LIPC: variants seen among roughly 807,000 people sequenced by gnomAD.
LIPC encodes the protein hepatic triacylglycerol lipase.
Under a neutral mutation model 50.7 loss-of-function variants are expected in LIPC, and 44 were observed. That is an observed-to-expected ratio of 0.87 (90% CI 0.68 to 1.11). The LOEUF is 1.11. LIPC is among the 50% of genes most tolerant of loss of function. The pLI is 0.00. For missense variants in LIPC, 697 were observed against 648.2 expected (o/e 1.08, Z -0.82); for synonymous variants, 271 against 256.4 (o/e 1.06, Z -0.54).
intron 1 of LIPC, among the ~76,000 whole-genome samples, chr15:58,437,359 A>G (rs1188484411): frequency 6.6e-6 from 1 of 152,198 alleles, no homozygotes; most frequent in African/African-American, 2.4e-5. Flanking sequence ...AAACAAGTAT[A>G]AGAAAATTGT....
In LIPC at chr15:58,449,613, G is replaced by A. The variant is rs538723970; in HGVS notation, c.88+17493G>A. ...TGTCAACCACGCTGTGCAGTAGCACGATCCTGGCTTACTGCAAACTCCGCC... is the reference window on the plus strand; with the variant it reads ...TGTCAACCACGCTGTGCAGTAGCACAATCCTGGCTTACTGCAAACTCCGCC... On this transcript the variant is annotated intron_variant, in intron 1 of 8. Coordinates refer to ENST00000299022, the MANE Select transcript of LIPC (RefSeq NM_000236.3). Among the ~76,000 whole-genome samples, 42 of 151,390 alleles carry A rather than the reference G, an allele frequency of 2.8e-4. No individual in the cohort carries two copies. In the Middle Eastern group the frequency reaches 0.021, roughly 74 times the overall value.
chr15:58,564,557 G>A (rs981208084), intron 8 of LIPC, among the ~76,000 whole-genome samples: 13 of 151,830 alleles, frequency 8.6e-5, no homozygotes, highest in East Asian at 2.0e-4. Context: ...GTGAAATCCC[G>A]TCTCTACAAA....
rs1555399324 is a variant in LIPC at position 58,471,331 on chromosome 15, G to GGGGT, written c.88+39214_88+39215insTGGG. On this transcript the variant is annotated intron_variant, in intron 1 of 8. Transcript: ENST00000299022. ...TTTTTTGTATTTTTAGTAGAGATGG[G>GGGGT]GGGGGGTGGTCTCACCATGTTGGCC... Among the ~76,000 whole-genome samples the GGGGT allele has an allele frequency of 5.0e-5, 7 of 139,002 alleles. 1 individual carries two copies. Among genetic ancestry groups the GGGGT allele is most frequent in the South Asian group, 4.9e-4 (2 of 4,094 alleles). The allele number at this position is 139,002 out of a possible 152,430, so 91.2% of individuals were successfully genotyped here. A position where few individuals can be genotyped will look rare whatever the true frequency, so the allele number is the denominator to read the frequency against.
intron 1 of LIPC, among the ~76,000 whole-genome samples, chr15:58,456,641 G>C (rs1289790350): frequency 2.6e-5 from 4 of 152,212 alleles, no homozygotes; most frequent in African/African-American, 9.7e-5. Context: ...CTGCCCCCAT[G>C]GGCCTAAGTA....
At chr15:58,486,782 G>A (rs1203927199) in intron 1 of LIPC, among the ~76,000 whole-genome samples, 1 of 152,212 alleles carries the variant, frequency 6.6e-6, no homozygotes, top group Admixed American at 6.5e-5. Context: ...TTGCCAGTCA[G>A]AAGCGTGGGG....
chr15:58,448,611 A>C (rs1893786810), intron 1 of LIPC, among the ~76,000 whole-genome samples: 1 of 152,260 alleles, frequency 6.6e-6, no homozygotes, highest in Non-Finnish European at 1.5e-5. Context: ...AGAGGCCGGC[A>C]GGCCTAAGTG....
chr15:58,457,385 C>T (rs1327603724), intron 1 of LIPC, among the ~76,000 whole-genome samples: 3 of 152,242 alleles, frequency 2.0e-5, no homozygotes, highest in Middle Eastern at 3.2e-3. Flanking sequence ...GCTGGGATTA[C>T]AGGCGTGAGC....
At chr15:58,471,206 G>A (rs1021022746) in intron 1 of LIPC, among the ~76,000 whole-genome samples, 5 of 141,880 alleles carry the variant, frequency 3.5e-5, no homozygotes, top group Admixed American at 7.5e-5. Context: ...GTGTCATCTC[G>A]GTTCACTGCA....
chr15:58,523,551 T>G (rs1257748694), intron 1 of LIPC, among the ~76,000 whole-genome samples: 1 of 151,654 alleles, frequency 6.6e-6, no homozygotes, highest in East Asian at 1.9e-4. Context: ...CAGGGGTAGG[T>G]GAACAGCATC....
chr15:58,557,160 T>C (rs534310369), intron 6 of LIPC, among the ~76,000 whole-genome samples: 4 of 152,112 alleles, frequency 2.6e-5, no homozygotes, highest in African/African-American at 9.7e-5. Flanking sequence ...TGGAGTCAGG[T>C]TGTGTGAGCC....
intron 1 of LIPC, among the ~76,000 whole-genome samples, chr15:58,529,932 C>T (rs2140889241): frequency 6.6e-6 from 1 of 152,318 alleles, no homozygotes; most frequent in Non-Finnish European, 1.5e-5. Context: ...AGCTATTTTC[C>T]AACACATCGT....
chr15:58,487,791 C>CAGCAG (rs1330778320), intron 1 of LIPC, among the ~76,000 whole-genome samples: 3 of 152,320 alleles, frequency 2.0e-5, no homozygotes, highest in African/African-American at 7.2e-5. Flanking sequence ...TAAGGAAATT[C>CAGCAG]AGCAGAGGTA....
intron 6 of LIPC, among the ~76,000 whole-genome samples, chr15:58,554,758 G>A (rs146265372): frequency 7.0e-4 from 106 of 152,234 alleles, no homozygotes; most frequent in Non-Finnish European, 1.4e-3. Context: ...AGAAGAAGGA[G>A]GAGGAGGAGG....
At chr15:58,519,351 C>T (rs1473579850) in intron 1 of LIPC, among the ~76,000 whole-genome samples, 1 of 148,558 alleles carries the variant, frequency 6.7e-6, no homozygotes, top group South Asian at 2.1e-4. Context: ...GCGGAGCTTG[C>T]AGTGAGCCGA....
At chr15:58,496,098 C>A (rs151111270) in intron 1 of LIPC, among the ~76,000 whole-genome samples, 1 of 152,136 alleles carries the variant, frequency 6.6e-6, no homozygotes, top group Admixed American at 6.5e-5. Flanking sequence ...CGAGTTGGAT[C>A]TAGGGCAGTG....
At chr15:58,519,456 G>A (rs917193667) in intron 1 of LIPC, among the ~76,000 whole-genome samples, 1 of 151,268 alleles carries the variant, frequency 6.6e-6, no homozygotes, top group African/African-American at 2.4e-5. Flanking sequence ...TAGCCAGTCA[G>A]GCAAAGCCAA....
intron 1 of LIPC, among the ~76,000 whole-genome samples, chr15:58,475,673 C>T (rs770512907): frequency 6.6e-6 from 1 of 152,216 alleles, no homozygotes. Flanking sequence ...ACCACTAAAC[C>T]GTGAATAAGT....
Position 58,548,440 on chromosome 15 carries a change from A to C in LIPC, c.919A>C (p.Ser307Arg). Residue 307 changes from serine to arginine, a missense_variant, in exon 6 of 9, where the codon AGC (serine) becomes CGC (arginine). By Grantham distance (110) the Ser-to-Arg change is moderately radical. Transcript: ENST00000299022. ...GGCCTACCCGTGTGGTGACATGAAC[A>C]GCTTCAGCCAGGGCCTGTGCCTGAG... ...SMAYPCGDMN[S>R]FSQGLCLSCK... 6.2e-7 allele frequency: 1 copy of C among 1,613,958 alleles called. No homozygotes were observed. The highest frequency in any genetic ancestry group is 8.5e-7 in the Non-Finnish European group (1 of 1,179,952).
intron 8 of LIPC, chr15:58,566,273 G>A (rs1894362763): frequency 2.0e-6 from 2 of 985,340 alleles, no homozygotes; most frequent in African/African-American, 1.7e-5. Context: ...AGGAGGCCAA[G>A]AGGTGTTCCC....
Sources: allele counts gnomAD v4.1 joint callset (sites outside exome capture counted in the v4.1 genomes callset), GRCh38; gene constraint gnomAD v4.1.1; transcripts MANE v1.5; gene names NCBI Gene and HGNC (gene_info 2026-07-23, HGNC 2026-07-21).